The following H3-3A variants were observed in gnomAD, a reference collection of about 807,000 sequenced individuals.
H3-3A encodes H3.3 histone A.
For missense variants in H3-3A, 7 were observed against 184.0 expected (o/e 0.04, Z 5.57); for synonymous variants, 49 against 61.4 (o/e 0.80, Z 0.95).
upstream of H3-3A, chr1:226,061,859 A>G (rs1657715736): frequency 6.6e-6 from 1 of 152,252 alleles, no homozygotes; most frequent in Non-Finnish European, 1.5e-5. Flanking sequence ...GACGCGACAC[A>G]GCCATCTTGC....
upstream of H3-3A, among the ~76,000 whole-genome samples, chr1:226,062,481 G>A (rs1657744879): frequency 6.7e-6 from 1 of 150,006 alleles, no homozygotes; most frequent in African/African-American, 2.5e-5. Flanking sequence ...CCCTCAGCGT[G>A]TCTTTTGTGT....
At chr1:226,064,998 G>A (rs947668604) in intron 2 of H3-3A, among the ~76,000 whole-genome samples, 1 of 152,222 alleles carries the variant, frequency 6.6e-6, no homozygotes, top group African/African-American at 2.4e-5. Context: ...GAGGGCAGAA[G>A]TTGCCTAGAC....
chr1:226,066,016 C>T (rs1576200409), intron 3 of H3-3A: 1 of 601,688 alleles, frequency 1.7e-6, no homozygotes, highest in African/African-American at 1.9e-5. Flanking sequence ...ACCTATTTGA[C>T]TCCAAGGCTT....
In H3-3A at chr1:226,064,387, C is replaced by A. The variant is rs1208208219; in HGVS notation, c.36C>A (p.Thr12=). 6.2e-7 allele frequency: 1 copy of A among 1,611,860 alleles called. No homozygotes were observed. Among genetic ancestry groups the A allele is most frequent in the Non-Finnish European group, 8.5e-7 (1 of 1,178,166 alleles). ...ARTKQTARKS[T]GGKAPRKQLA... Reference sequence around the variant, plus strand: ...CAAAGCAGACTGCCCGCAAATCGACCGGTGGTAAAGCACCCAGGAAGCAAC... The same window carrying A: ...CAAAGCAGACTGCCCGCAAATCGACAGGTGGTAAAGCACCCAGGAAGCAAC... Residue 12 remains threonine (T), a synonymous_variant, in exon 2 of 4, where the codon ACC becomes ACA. Coordinates refer to ENST00000366815, the MANE Select transcript of H3-3A (RefSeq NM_002107.7).
chr1:226,062,464 C>G (rs1657743200), upstream of H3-3A, among the ~76,000 whole-genome samples: 2 of 150,160 alleles, frequency 1.3e-5, no homozygotes, highest in Non-Finnish European at 3.0e-5. Flanking sequence ...CGGCGGGAGC[C>G]GGCGGCCCCT....
intron 3 of H3-3A, chr1:226,067,266 A>G (rs1657959856): frequency 6.6e-6 from 1 of 152,118 alleles, no homozygotes; most frequent in Non-Finnish European, 1.5e-5. Context: ...GTAAACTTCC[A>G]TTGTTACTAT....
intron 1 of H3-3A, chr1:226,063,930 C>CT (rs910434045): frequency 1.7e-4 from 26 of 154,878 alleles, no homozygotes; most frequent in South Asian, 1.3e-3. Context: ...GGAGTAAGAC[C>CT]TTTTTTTTGC....
upstream of H3-3A, among the ~76,000 whole-genome samples, chr1:226,062,480 T>G (rs1468056552): frequency 6.8e-6 from 1 of 146,486 alleles, no homozygotes; most frequent in Admixed American, 6.7e-5. Context: ...CCCCTCAGCG[T>G]GTCTTTTGTG....
rs71574557 is a variant in H3-3A, at chr1:226,069,049, C to CTT, written c.283-2287_283-2286dup. 6.4e-3 allele frequency among the ~76,000 whole-genome samples: 905 copies of CTT among 141,620 alleles called. 6 individuals carry two copies. The highest frequency in any genetic ancestry group is 8.0e-3 in the Non-Finnish European group (518 of 64,956). The allele number at this position is 141,620 out of a possible 152,430, so 92.9% of individuals were successfully genotyped here. On this transcript the variant is annotated intron_variant, in intron 3 of 3. Coordinates refer to ENST00000366815, the MANE Select transcript of H3-3A (RefSeq NM_002107.7). Reference sequence around the variant, plus strand: ...GATGAAGCTAGAAATGTGAAAGTACCTTTTTTTTTTTTTTTTGAGACGAGT... The same window carrying CTT: ...GATGAAGCTAGAAATGTGAAAGTACCTTTTTTTTTTTTTTTTTTGAGACGAGT...
chr1:226,071,301 A>C, intron 3 of H3-3A, 50 bp from the exon 4 acceptor site: 1 of 1,511,074 alleles, frequency 6.6e-7, no homozygotes, highest in Non-Finnish European at 9.2e-7. Context: ...GTTGGGTCTT[A>C]ACTATTGGAA....
chr1:226,062,446 G>T (rs184029346), upstream of H3-3A, among the ~76,000 whole-genome samples: 2,491 of 151,032 alleles, frequency 0.016, 65 homozygotes, highest in African/African-American at 0.058. Flanking sequence ...GGGTGCGGGC[G>T]GCAGTCTCGG....
chr1:226,064,202 T>C, intron 1 of H3-3A, 127 bp from the exon 2 acceptor site: 1 of 653,358 alleles, frequency 1.5e-6, no homozygotes, highest in African/African-American at 1.8e-5. Flanking sequence ...TCAAATTATA[T>C]AACAATACGA....
chr1:226,070,277 C>G (rs1014675868), intron 3 of H3-3A, among the ~76,000 whole-genome samples: 2 of 150,162 alleles, frequency 1.3e-5, no homozygotes, highest in Admixed American at 6.6e-5. Context: ...GTCAGGAGAT[C>G]GAGACCATCC....
chr1:226,065,997 A>G, intron 3 of H3-3A, 188 bp downstream of exon 3: 3 of 614,546 alleles, frequency 4.9e-6, no homozygotes, highest in Non-Finnish European at 9.0e-6. Context: ...TGGCAAAACC[A>G]TAATTTGAAC....
chr1:226,071,229 T>G, intron 3 of H3-3A, 122 bp from the exon 4 acceptor site: 1 of 698,128 alleles, frequency 1.4e-6, no homozygotes, highest in Non-Finnish European at 2.4e-6. Context: ...GGTAAAATTG[T>G]CAGCATCTTG....
At position 226,064,444 on chromosome 1, in the gene H3-3A, C is replaced by G. The variant is rs1558101240; in HGVS notation, c.93C>G (p.Pro31=). Residue 31 remains proline, a synonymous_variant, in exon 2 of 4, where the codon CCC becomes CCG. Transcript: ENST00000366815. ...CAAAAGCCGCTCGCAAGAGTGCGCC[C>G]TCTACTGGAGGGGTGAAGAAACCTC... The part of the protein sequence containing the change: ...LATKAARKSA[P]STGGVKKPHR... The G allele has an allele frequency of 6.2e-7, 1 of 1,612,554 alleles. No homozygotes were observed. The highest frequency in any genetic ancestry group is 8.5e-7 in the Non-Finnish European group (1 of 1,178,916).
At chr1:226,070,500 G>A (rs951626175) in intron 3 of H3-3A, among the ~76,000 whole-genome samples, 6 of 149,876 alleles carry the variant, frequency 4.0e-5, no homozygotes, top group East Asian at 2.0e-4. Context: ...ACTGCCGGGC[G>A]CGGTGGCTCA....
chr1:226,069,529 C>T (rs1658034722), intron 3 of H3-3A, among the ~76,000 whole-genome samples: 1 of 152,112 alleles, frequency 6.6e-6, no homozygotes, highest in Non-Finnish European at 1.5e-5. Context: ...GGTAATTTCT[C>T]CATTTCAAAA....
chr1:226,070,488 G>A (rs1482721408), intron 3 of H3-3A, among the ~76,000 whole-genome samples: 1 of 147,772 alleles, frequency 6.8e-6, no homozygotes, highest in East Asian at 2.0e-4. Flanking sequence ...AATAAATAAG[G>A]AACTGCCGGG....
Sources: gnomAD v4.1 joint callset for allele counts (sites outside exome capture counted in the v4.1 genomes callset) on GRCh38, gnomAD v4.1.1 for gene constraint, MANE v1.5 for transcripts, NCBI Gene and HGNC (gene_info 2026-07-23, HGNC 2026-07-21) for gene names.